Variants in EYA4 observed in about 807,000 individuals in gnomAD.
The protein encoded by EYA4 is protein phosphatase EYA4.
In EYA4, 31 loss-of-function variants were observed where a neutral mutation model predicts 87.9. That is an observed-to-expected ratio of 0.35 (90% CI 0.27 to 0.48). The LOEUF is 0.48. EYA4 is among the 20% of genes least tolerant of loss of function. The pLI is 0.99. For synonymous variants in EYA4, 263 were observed against 270.6 expected, an observed-to-expected ratio of 0.97 and a Z score of 0.28; for missense variants, 678 against 761.4, an observed-to-expected ratio of 0.89 and a Z score of 1.29.
intron 2 of EYA4, among the ~76,000 whole-genome samples, chr6:133,343,012 C>T (rs1259937200): frequency 6.6e-6 from 1 of 152,096 alleles, no homozygotes; most frequent in Non-Finnish European, 1.5e-5. Context: ...GTTGCCATAA[C>T]CATGAACATT....
chr6:133,337,610 A>G (rs1168370306), intron 2 of EYA4, among the ~76,000 whole-genome samples: 2 of 152,196 alleles, frequency 1.3e-5, no homozygotes, highest in Non-Finnish European at 2.9e-5. Flanking sequence ...GGAAAAACAG[A>G]CCTTCAGAAA....
At position 133,530,380 on chromosome 6, in the gene EYA4, G is replaced by A. The variant is rs1800940093; in HGVS notation, c.*1575G>A. ...AGCCCATGTTGGGAACACGATACAG[G>A]TTCTCCTCTTATTTCCTATGACACG... On this transcript the variant is annotated 3_prime_UTR_variant, in exon 20 of 20. Transcript: ENST00000355286. 2.0e-6 allele frequency: 2 copies of A among 985,384 alleles called. No individual in the cohort carries two copies. The highest frequency in any genetic ancestry group is 9.4e-5 in the South Asian group (2 of 21,288). The allele number at this position is 985,384 out of a possible 1,614,324, so 61.0% of individuals were successfully genotyped here. A position where few individuals can be genotyped will look rare whatever the true frequency, so the allele number is the denominator to read the frequency against.
chr6:133,311,730 G>A (rs1400577002), intron 2 of EYA4, among the ~76,000 whole-genome samples: 2 of 152,184 alleles, frequency 1.3e-5, no homozygotes, highest in African/African-American at 4.8e-5. Flanking sequence ...AGCCTGCATG[G>A]TCTGCTTCTC....
At chr6:133,295,903 T>A (rs1778908349) in intron 2 of EYA4, among the ~76,000 whole-genome samples, 1 of 152,236 alleles carries the variant, frequency 6.6e-6, no homozygotes, top group Admixed American at 6.5e-5. Context: ...ATAATTTATA[T>A]TCTAGTGAAG....
intron 3 of EYA4, among the ~76,000 whole-genome samples, chr6:133,390,659 A>G (rs138161820): frequency 6.6e-6 from 1 of 152,352 alleles, no homozygotes; most frequent in Non-Finnish European, 1.5e-5. Context: ...TACCAGTTAC[A>G]TAGGTAATGT....
At chr6:133,359,505 C>T (rs925556933) in intron 2 of EYA4, among the ~76,000 whole-genome samples, 1 of 152,098 alleles carries the variant, frequency 6.6e-6, no homozygotes, top group Non-Finnish European at 1.5e-5. Flanking sequence ...CAGCAATTCC[C>T]TTATCTGTTT....
At chr6:133,311,994 T>A (rs1198397799) in intron 2 of EYA4, among the ~76,000 whole-genome samples, 1 of 152,164 alleles carries the variant, frequency 6.6e-6, no homozygotes, top group African/African-American at 2.4e-5. Context: ...ATAAATGCTG[T>A]GAAGAATAGG....
chr6:133,346,221 C>T (rs965063085), intron 2 of EYA4, among the ~76,000 whole-genome samples: 2 of 152,148 alleles, frequency 1.3e-5, no homozygotes, highest in African/African-American at 4.8e-5. Flanking sequence ...AGTTTGCTTT[C>T]CTTCTTTTAA....
At chr6:133,321,135 C>T (rs889871707) in intron 2 of EYA4, among the ~76,000 whole-genome samples, 11 of 152,140 alleles carry the variant, frequency 7.2e-5, no homozygotes, top group East Asian at 1.9e-4. Context: ...GTCAGTCTGT[C>T]GGTTGGTCCT....
At chr6:133,403,003 G>A (rs1337351446) in intron 3 of EYA4, among the ~76,000 whole-genome samples, 1 of 152,120 alleles carries the variant, frequency 6.6e-6, no homozygotes, top group Non-Finnish European at 1.5e-5. Flanking sequence ...TTATCATGGG[G>A]CTAATAACAA....
At chr6:133,264,615 G>C (rs1223991773) in intron 1 of EYA4, among the ~76,000 whole-genome samples, 1 of 152,222 alleles carries the variant, frequency 6.6e-6, no homozygotes, top group Non-Finnish European at 1.5e-5. Context: ...CAAATGGGCA[G>C]GGAGTCAGTG....
At chr6:133,474,883 C>T (rs1795590446) in intron 11 of EYA4, among the ~76,000 whole-genome samples, 1 of 152,084 alleles carries the variant, frequency 6.6e-6, no homozygotes, top group Non-Finnish European at 1.5e-5. Flanking sequence ...ATAGAACAGT[C>T]ACTGCTGAAT....
chr6:133,258,489 G>T (rs943666402), intron 1 of EYA4, among the ~76,000 whole-genome samples: 10 of 152,100 alleles, frequency 6.6e-5, no homozygotes, highest in Non-Finnish European at 1.3e-4. Context: ...AACTGCTGGG[G>T]TTACAAGTAA....
Position 133,383,639 on chromosome 6 carries a change from G to A in EYA4, c.83+1198G>A, listed in dbSNP as rs1342480476. ...AGTAACTCTTGTTTTGTTGTATGCA[G>A]TATGATATTCCTATAATTGATTCCT... On this transcript the variant is annotated intron_variant, in intron 3 of 19. Transcript: ENST00000355286. 4.0e-5 allele frequency among the ~76,000 whole-genome samples: 6 copies of A among 150,396 alleles called. No homozygotes were observed. The East Asian group carries it at 7.8e-4, about 20-fold the overall frequency.
chr6:133,303,720 C>A (rs528719100), intron 2 of EYA4, among the ~76,000 whole-genome samples: 1 of 152,308 alleles, frequency 6.6e-6, no homozygotes, highest in Non-Finnish European at 1.5e-5. Flanking sequence ...TATTTGTTCT[C>A]TGTAATAAAA....
intron 2 of EYA4, among the ~76,000 whole-genome samples, chr6:133,370,018 A>G (rs946231836): frequency 6.6e-6 from 1 of 152,190 alleles, no homozygotes; most frequent in African/African-American, 2.4e-5. Flanking sequence ...AGTGTTTACT[A>G]TCCAGGTCTC....
chr6:133,479,339 C>T lies in EYA4; in HGVS notation c.971-2124C>T, dbSNP rs745717854. Among the ~76,000 whole-genome samples, 182 of 152,212 alleles carry T rather than the reference C, an allele frequency of 1.2e-3. 1 individual carries two copies. Among genetic ancestry groups the T allele is most frequent in the Non-Finnish European group, 2.3e-3 (156 of 67,994 alleles). On this transcript the variant is annotated intron_variant, in intron 11 of 19. Coordinates refer to ENST00000355286, the MANE Select transcript of EYA4 (RefSeq NM_004100.5). The stretch of plus-strand genomic sequence containing the variant: ...TTATTACTCTGCTATCTACTCTCAC[C>T]GAGGTGATAACATAGACCCATGAAA...
At chr6:133,394,011 C>A (rs1787538628) in intron 3 of EYA4, among the ~76,000 whole-genome samples, 1 of 152,206 alleles carries the variant, frequency 6.6e-6, no homozygotes, top group Non-Finnish European at 1.5e-5. Flanking sequence ...TACATTTAAT[C>A]ATCACATTTC....
In EYA4 at chr6:133,530,545, A is replaced by T; in HGVS notation, c.*1740A>T. ...AGTGCCCCTAGCCAGAGGCTGGTTC[A>T]TGAGTTCATCAACTGAGGCCTCTGT... is the stretch of plus-strand genomic sequence containing the variant. On this transcript the variant is annotated 3_prime_UTR_variant, in exon 20 of 20. Coordinates refer to ENST00000355286, the MANE Select transcript of EYA4 (RefSeq NM_004100.5). The T allele has an allele frequency of 1.0e-6, 1 of 985,860 alleles. No individual in the cohort carries two copies. The highest frequency in any genetic ancestry group is 1.7e-5 in the African/African-American group (1 of 57,372). The allele number at this position is 985,860 out of a possible 1,614,324, so 61.1% of individuals were successfully genotyped here. A position where few individuals can be genotyped will look rare whatever the true frequency, so the allele number is the denominator to read the frequency against.
Sources: allele counts gnomAD v4.1 joint callset (sites outside exome capture counted in the v4.1 genomes callset), GRCh38; gene constraint gnomAD v4.1.1; transcripts MANE v1.5; gene names NCBI Gene and HGNC (gene_info 2026-07-23, HGNC 2026-07-21).